CD4: variants seen among roughly 807,000 people sequenced by gnomAD.
CD4 encodes the protein CD4 molecule.
Under a neutral mutation model 50.5 loss-of-function variants are expected in CD4, and 25 were observed. That is an observed-to-expected ratio of 0.49 (90% CI 0.36 to 0.69). CD4 has a LOEUF of 0.69. Among genes scored for constraint, CD4 ranks in the 30% least tolerant of loss-of-function variants. CD4 has a pLI of 0.00. For synonymous variants in CD4, 207 were observed against 221.9 expected, an observed-to-expected ratio of 0.93 and a Z score of 0.60; for missense variants, 456 against 548.5, an observed-to-expected ratio of 0.83 and a Z score of 1.68.
In CD4 at chr12:6,818,098, GCGCGCACACA is replaced by G. The variant is rs1182467109; in HGVS notation, c.1157-321_1157-312del. ...CACACATGGACTCACACGCGCACACGCGCGCACACACACACATTCACACCATTCACACACG... is the reference window on the plus strand; with the variant it reads ...CACACATGGACTCACACGCGCACACGCACACATTCACACCATTCACACACG... On this transcript the variant is annotated intron_variant, in intron 7 of 9. Transcript: ENST00000011653. This position sits in a 1 kb window ranked among gnomAD's most constrained non-coding sequence, Gnocchi z 5.0. Among the ~76,000 whole-genome samples the G allele has an allele frequency of 1.5e-4, 6 of 39,580 alleles. 1 individual carries two copies. Among genetic ancestry groups the G allele is most frequent in the Admixed American group, 6.3e-4 (2 of 3,194 alleles). 26.0% of individuals were successfully genotyped at this position (39,580 alleles called of 152,430 possible).
rs1942182169 is a variant in CD4 at position 6,792,213 on chromosome 12, CCA to C, written c.-68+2554_-68+2555del. ...GGAGAAGATAAAAGTGCCTGTGGGA[CCA>C]CAGACTCTCGCTGTGGTGGAGCTGG... On this transcript the variant is annotated intron_variant, in intron 1 of 9. Transcript: ENST00000011653. This position sits in a 1 kb window ranked among gnomAD's most constrained non-coding sequence, Gnocchi z 4.1. Among the ~76,000 whole-genome samples, 1 of 151,998 alleles carries C rather than the reference CCA, an allele frequency of 6.6e-6. No individual in the cohort carries two copies. The highest frequency in any genetic ancestry group is 2.4e-5 in the African/African-American group (1 of 41,366).
At chr12:6,814,527 G>A (rs1943034434) in intron 4 of CD4, 1 of 642,944 alleles carries the variant, frequency 1.6e-6, no homozygotes, top group Non-Finnish European at 2.7e-6. Context: ...AAGGGAAGGA[G>A]GCAAGGGAAG....
intron 1 of CD4, among the ~76,000 whole-genome samples, chr12:6,789,878 C>T (rs1220536585): frequency 2.0e-5 from 3 of 152,232 alleles, no homozygotes; most frequent in African/African-American, 4.8e-5. Flanking sequence ...GCAGCCCCAG[C>T]GTGCACAGCT....
intron 1 of CD4, among the ~76,000 whole-genome samples, chr12:6,793,975 T>TATCTATCTATCTATCTATCTATC (rs1942278340): frequency 6.6e-6 from 1 of 151,184 alleles, no homozygotes; most frequent in Non-Finnish European, 1.5e-5. Context: ...TATCTATATC[T>TATCTATCTATCTATCTATCTATC]ATCTATCTAT....
intron 3 of CD4, among the ~76,000 whole-genome samples, chr12:6,805,241 GAA>G (rs1555115983): frequency 7.1e-6 from 1 of 141,792 alleles, no homozygotes; most frequent in African/African-American, 2.6e-5. Context: ...AAGAAAGAGA[GAA>G]AGAAATACTT....
chr12:6,819,055 G>A (rs1467612269), intron 9 of CD4, 141 bp downstream of exon 9: 7 of 723,292 alleles, frequency 9.7e-6, no homozygotes, highest in Non-Finnish European at 1.7e-5. Context: ...GAGCTGGGAG[G>A]GGTGGAGGTG....
In CD4 at chr12:6,800,446, A is replaced by G. The variant is rs1555115086; in HGVS notation, c.189A>G (p.Gly63=). 6.2e-7 allele frequency: 1 copy of G among 1,613,838 alleles called. No homozygotes were observed. Among genetic ancestry groups the G allele is most frequent in the Admixed American group, 1.7e-5 (1 of 59,926 alleles). Residue 63 remains glycine, a synonymous_variant, in exon 3 of 10, where the codon GGA becomes GGG. Coordinates refer to ENST00000011653, the MANE Select transcript of CD4 (RefSeq NM_000616.5). ...ACTCCAACCAGATAAAGATTCTGGG[A>G]AATCAGGGCTCCTTCTTAACTAAAG... is the stretch of plus-strand genomic sequence containing the variant. ...WKNSNQIKIL[G]NQGSFLTKGP...
chr12:6,807,121 C>T (rs1555116304), intron 3 of CD4, among the ~76,000 whole-genome samples: 1 of 152,026 alleles, frequency 6.6e-6, no homozygotes, highest in Non-Finnish European at 1.5e-5. Flanking sequence ...GAGCCGAGAT[C>T]GCGCCATTGC....
At chr12:6,814,588 G>A in intron 4 of CD4, 171 bp from the exon 5 acceptor site, 2 of 713,452 alleles carry the variant, frequency 2.8e-6, no homozygotes, top group Non-Finnish European at 5.0e-6. Flanking sequence ...GGAAAGAAGA[G>A]AGAGAGGAGG....
At chr12:6,799,841 A>G (rs190252908) in intron 1 of CD4, among the ~76,000 whole-genome samples, 57 of 152,224 alleles carry the variant, frequency 3.7e-4, no homozygotes, top group Admixed American at 3.7e-3. Flanking sequence ...CTAGCCAGCC[A>G]TGGGGCTCCT....
chr12:6,803,523 G>T (rs781862961), intron 3 of CD4, among the ~76,000 whole-genome samples: 3 of 151,234 alleles, frequency 2.0e-5, no homozygotes, highest in South Asian at 4.2e-4. Context: ...GGTGGCTCAC[G>T]CCTGTAATCC....
chr12:6,809,030 A>G (rs11064407), intron 3 of CD4, among the ~76,000 whole-genome samples: 18,802 of 152,128 alleles, frequency 0.12, 2,264 homozygotes, highest in African/African-American at 0.31. Context: ...TTCTGTTTCT[A>G]TGGATCTCAT....
At chr12:6,817,804 TACTCACACCCATGC>T (rs1943126624) in intron 7 of CD4, among the ~76,000 whole-genome samples, 1 of 147,102 alleles carries the variant, frequency 6.8e-6, no homozygotes, top group Non-Finnish European at 1.5e-5. Context: ...TCACCCCATG[TACTCACACCCATGC>T]ACTCACACAC....
intron 1 of CD4, among the ~76,000 whole-genome samples, chr12:6,798,391 C>G (rs1942438407): frequency 1.0e-5 from 1 of 96,454 alleles, no homozygotes; most frequent in South Asian, 2.4e-4. Flanking sequence ...CCAGGATGGT[C>G]TCGATCTCCT....
intron 1 of CD4, among the ~76,000 whole-genome samples, chr12:6,795,247 T>C (rs1942342514): frequency 6.6e-6 from 1 of 152,156 alleles, no homozygotes; most frequent in Non-Finnish European, 1.5e-5. Context: ...ATCTATCATC[T>C]AATCTATCTA....
At chr12:6,793,970 A>ATCTATCTATCTATCTATC (rs1555114029) in intron 1 of CD4, among the ~76,000 whole-genome samples, 2 of 133,850 alleles carry the variant, frequency 1.5e-5, no homozygotes, top group African/African-American at 3.2e-5. Context: ...CTATCTATCT[A>ATCTATCTATCTATCTATC]TATCTATCTA....
At chr12:6,804,144 AAATAAAT>A (rs1942652841) in intron 3 of CD4, among the ~76,000 whole-genome samples, 1 of 118,376 alleles carries the variant, frequency 8.4e-6, no homozygotes, top group Non-Finnish European at 2.0e-5. Flanking sequence ...ATAAATAAAT[AAATAAAT>A]AAAATAAAAA....
At chr12:6,793,690 ATC>A (rs1942252673) in intron 1 of CD4, among the ~76,000 whole-genome samples, 1 of 83,178 alleles carries the variant, frequency 1.2e-5, no homozygotes, top group Non-Finnish European at 2.3e-5. Flanking sequence ...CTATCTATCT[ATC>A]TATCTATCTA....
At chr12:6,802,993 A>G (rs1942610971) in intron 3 of CD4, among the ~76,000 whole-genome samples, 1 of 152,176 alleles carries the variant, frequency 6.6e-6, no homozygotes, top group Admixed American at 6.5e-5. Context: ...TTGGCCTCCC[A>G]AAGTGCTGGG....
Sources: gnomAD v4.1 joint callset for allele counts (sites outside exome capture counted in the v4.1 genomes callset) on GRCh38, gnomAD v4.1.1 for gene constraint, Gnocchi (gnomAD v3.1) non-coding constraint, MANE v1.5 for transcripts, NCBI Gene and HGNC (gene_info 2026-07-23, HGNC 2026-07-21) for gene names.